Variants in SH3D19 observed in about 807,000 individuals in gnomAD.
SH3D19 encodes the protein SH3 domain-containing protein 19.
Under a neutral mutation model 112.1 loss-of-function variants are expected in SH3D19, and 58 were observed. That is an observed-to-expected ratio of 0.52 (90% CI 0.42 to 0.64). The LOEUF is 0.64. Among genes scored for constraint, SH3D19 ranks in the 30% least tolerant of loss-of-function variants. The pLI is 0.00. For missense variants in SH3D19, 1,090 were observed against 1,263.4 expected (o/e 0.86, Z 2.08); for synonymous variants, 391 against 448.5 (o/e 0.87, Z 1.62).
Position 151,132,346 on chromosome 4 carries a change from A to G in SH3D19, c.2727T>C (p.Ser909=), listed in dbSNP as rs1750904152. 1 of 1,614,084 alleles carries G rather than the reference A, an allele frequency of 6.2e-7. No homozygotes were observed. The change falls in exon 17 of 20, where the codon TCT becomes TCC. Residue 909 remains serine (S), a synonymous_variant. Transcript: ENST00000604030. ...KVPLKTKKED[S]GSNSQVNSLP... ...AGCAGCCTACCTGAGAGTTTGAGCC[A>G]GAATCTTCTTTTTTGGTTTTCAGTG...
At chr4:151,227,737 T>A in intron 1 of SH3D19, 1 of 985,170 alleles carries the variant, frequency 1.0e-6, no homozygotes, top group Non-Finnish European at 1.2e-6. Flanking sequence ...GCTATCCTCA[T>A]ATAACAAAGC....
At chr4:151,127,024 C>T (rs1215280867) in intron 19 of SH3D19, among the ~76,000 whole-genome samples, 1 of 151,644 alleles carries the variant, frequency 6.6e-6, no homozygotes, top group African/African-American at 2.4e-5. Context: ...ATTCTCCTGC[C>T]TCAGCCTCCT....
chr4:151,144,555 T>C (rs1229159722), intron 11 of SH3D19, among the ~76,000 whole-genome samples: 1 of 152,180 alleles, frequency 6.6e-6, no homozygotes, highest in African/African-American at 2.4e-5. Context: ...GGAAGTTCTG[T>C]TCTACAGGAC....
At chr4:151,170,456 A>AATAAAAACTATGG (rs1325128721) in intron 7 of SH3D19, 1 of 152,114 alleles carries the variant, frequency 6.6e-6, no homozygotes, top group African/African-American at 2.4e-5. Flanking sequence ...AGTAACTAGA[A>AATAAAAACTATGG]AAATAAAAAC....
rs143642381 is a variant in SH3D19 at position 151,307,942 on chromosome 4, C to T, written c.112+17299G>A. On this transcript the variant is annotated intron_variant, in intron 1 of 19. Coordinates refer to ENST00000604030, the MANE Select transcript of SH3D19 (RefSeq NM_001378122.1). ...TATTATTTTTTCAGACAGTGTTTTGCTGTTACTGCCCAGGCTGGAGTGCAA... is the reference window on the plus strand; with the variant it reads ...TATTATTTTTTCAGACAGTGTTTTGTTGTTACTGCCCAGGCTGGAGTGCAA... Among the ~76,000 whole-genome samples, 8 of 152,262 alleles carry T rather than the reference C, an allele frequency of 5.3e-5. No homozygotes were observed. In the East Asian group the frequency reaches 1.5e-3, roughly 29 times the overall value.
intron 1 of SH3D19, among the ~76,000 whole-genome samples, chr4:151,275,837 TTATTATTATTA>T (rs1773559244): frequency 1.8e-5 from 1 of 55,748 alleles, no homozygotes; most frequent in African/African-American, 4.3e-5. Flanking sequence ...ATTATTATTA[TTATTATTATTA>T]TTTTTTTTTT....
intron 2 of SH3D19, among the ~76,000 whole-genome samples, chr4:151,206,563 A>G (rs1346169066): frequency 6.6e-6 from 1 of 152,216 alleles, no homozygotes; most frequent in African/African-American, 2.4e-5. Context: ...TTCTAGAATC[A>G]AGGCTATAGT....
chr4:151,186,048 A>G (rs1761722424), intron 3 of SH3D19, among the ~76,000 whole-genome samples: 1 of 152,156 alleles, frequency 6.6e-6, no homozygotes, highest in Non-Finnish European at 1.5e-5. Context: ...TCGGGGGGGA[A>G]AAACAACCAA....
chr4:151,174,904 G>A lies in SH3D19; in HGVS notation c.1300C>T (p.Pro434Ser), dbSNP rs765218124. Reference sequence around the variant, plus strand: ...TTCAGTGGAGCTGAAGGGTAGGTGGGGTTTTCTGAGGAAACAGATTTCTTC... The same window carrying A: ...TTCAGTGGAGCTGAAGGGTAGGTGGAGTTTTCTGAGGAAACAGATTTCTTC... The part of the protein sequence containing the change: ...LLKKSVSSEN[P>S]TYPSAPLKPV... The change falls in exon 7 of 20, where the codon CCC (proline) becomes TCC (serine). Residue 434 changes from proline to serine, a missense_variant. By Grantham distance (74) the Pro-to-Ser change is moderately conservative (BLOSUM62 -1). Coordinates refer to ENST00000604030, the MANE Select transcript of SH3D19 (RefSeq NM_001378122.1). The A allele has an allele frequency of 6.2e-7, 1 of 1,613,320 alleles. No individual in the cohort carries two copies. The highest frequency in any genetic ancestry group is 8.5e-7 in the Non-Finnish European group (1 of 1,179,504).
chr4:151,271,955 C>T (rs1773258991), intron 1 of SH3D19, among the ~76,000 whole-genome samples: 1 of 151,980 alleles, frequency 6.6e-6, no homozygotes, highest in African/African-American at 2.4e-5. Flanking sequence ...AATCTGGGGA[C>T]AGATAATCTA....
intron 1 of SH3D19, among the ~76,000 whole-genome samples, chr4:151,253,576 C>T (rs1377097531): frequency 6.6e-6 from 1 of 152,118 alleles, no homozygotes; most frequent in Non-Finnish European, 1.5e-5. Flanking sequence ...CTGTCTCTAA[C>T]TAAAAATACA....
At chr4:151,275,204 A>G (rs1171185622) in intron 1 of SH3D19, among the ~76,000 whole-genome samples, 1 of 151,374 alleles carries the variant, frequency 6.6e-6, no homozygotes, top group Admixed American at 6.6e-5. Context: ...CTCCTGCCTC[A>G]GCCTCCCAAG....
In SH3D19 at chr4:151,286,274, G is replaced by A. The variant is rs751580036; in HGVS notation, c.112+38967C>T. On this transcript the variant is annotated intron_variant, in intron 1 of 19. Transcript: ENST00000604030. ...GTGGAAATTACTGAAATAGAGAACA[G>A]AAAGACAATAGAGAAAATAAACAAA... 3.5e-4 allele frequency among the ~76,000 whole-genome samples: 46 copies of A among 132,742 alleles called. 1 individual carries two copies. The highest frequency in any genetic ancestry group is 7.0e-4 in the Non-Finnish European group (43 of 61,510). The allele number at this position is 132,742 out of a possible 152,430, so 87.1% of individuals were successfully genotyped here.
chr4:151,130,434 CA>C lies in SH3D19; in HGVS notation c.2742+1896del, dbSNP rs895231112. On this transcript the variant is annotated intron_variant, in intron 17 of 19. Transcript: ENST00000604030. The stretch of plus-strand genomic sequence containing the variant: ...TGGGCATCAGAGTGAGATCCTGTCT[CA>C]AAAAAACAAAACAAAACAAAACAAA... Among the ~76,000 whole-genome samples the C allele has an allele frequency of 7.9e-4, 120 of 151,020 alleles. 1 individual carries two copies. Among genetic ancestry groups the C allele is most frequent in the African/African-American group, 2.9e-3 (118 of 41,136 alleles).
At chr4:151,135,421 ATTTTTTTTT>A (rs34291277) in intron 14 of SH3D19, among the ~76,000 whole-genome samples, 11 of 87,488 alleles carry the variant, frequency 1.3e-4, no homozygotes, top group Admixed American at 1.2e-3. Context: ...TCTCTATCTC[ATTTTTTTTT>A]TTTTTTTTTT....
intron 1 of SH3D19, among the ~76,000 whole-genome samples, chr4:151,248,709 A>G (rs1486567853): frequency 6.6e-6 from 1 of 152,150 alleles, no homozygotes; most frequent in Non-Finnish European, 1.5e-5. Flanking sequence ...AGCCATACAC[A>G]TGGGTTCAAA....
chr4:151,123,714 A>C (rs1429691678), intron 19 of SH3D19, among the ~76,000 whole-genome samples: 1 of 152,240 alleles, frequency 6.6e-6, no homozygotes, highest in Non-Finnish European at 1.5e-5. Flanking sequence ...TTCCTTCAGC[A>C]GATGAAGACA....
intron 16 of SH3D19, 119 bp from the exon 17 acceptor site, chr4:151,132,502 G>A (rs1298883592): frequency 8.8e-6 from 7 of 798,236 alleles, no homozygotes; most frequent in East Asian, 5.2e-5. Flanking sequence ...ATTCCACTCC[G>A]GTCTCTTCAT....
chr4:151,151,256 C>G (rs1054627270), intron 9 of SH3D19, among the ~76,000 whole-genome samples: 1 of 152,182 alleles, frequency 6.6e-6, no homozygotes, highest in African/African-American at 2.4e-5. Context: ...CCACCACACC[C>G]AGTCCCTCAA....
Sources: allele counts gnomAD v4.1 joint callset (sites outside exome capture counted in the v4.1 genomes callset), GRCh38; gene constraint gnomAD v4.1.1; transcripts MANE v1.5; gene names NCBI Gene and HGNC (gene_info 2026-07-23, HGNC 2026-07-21).